Variants in FRY observed in about 807,000 individuals in gnomAD.
FRY encodes FRY microtubule binding protein.
Under a neutral mutation model 348.4 loss-of-function variants are expected in FRY, and 128 were observed. The observed-to-expected ratio is 0.37, with a 90% confidence interval of 0.32 to 0.43. FRY has a LOEUF of 0.43. FRY is among the 20% of genes least tolerant of loss of function. FRY has a pLI of 1.00. For synonymous variants in FRY, 1,370 were observed against 1,374.7 expected (o/e 1.00, Z 0.08); for missense variants, 2,736 against 3,695.2 (o/e 0.74, Z 6.73).
chr13:32,209,734 A>G lies in FRY; in HGVS notation c.4422+3A>G. 1 of 1,614,024 alleles carries G rather than the reference A, an allele frequency of 6.2e-7. No individual in the cohort carries two copies. ...GCGACACAGTTCTCCTACCCTATGTAAGTGTCTCTCAGCCCTTCAAGAGTG... is the reference window on the plus strand; with the variant it reads ...GCGACACAGTTCTCCTACCCTATGTGAGTGTCTCTCAGCCCTTCAAGAGTG... On this transcript the variant is annotated splice_donor_region_variant and intron_variant, in intron 33 of 60. Transcript: ENST00000542859.
intron 17 of FRY, among the ~76,000 whole-genome samples, chr13:32,163,139 G>A (rs539794248): frequency 5.6e-4 from 86 of 152,268 alleles, no homozygotes; most frequent in African/African-American, 2.0e-3. Flanking sequence ...ACATAAAGGA[G>A]AGCCTGTCAG....
rs1886378870 is a variant in FRY at position 32,239,230 on chromosome 13, C to T, written c.6419-22C>T. ...AAAATATACCATATTCAGCTATCTCCATTGTATCTTCTCTAATCCAGGGTT... is the reference window on the plus strand; with the variant it reads ...AAAATATACCATATTCAGCTATCTCTATTGTATCTTCTCTAATCCAGGGTT... On this transcript the variant is annotated intron_variant, in intron 44 of 60. Coordinates refer to ENST00000542859, the MANE Select transcript of FRY (RefSeq NM_023037.3). The surrounding 1 kb of genome is among the most constrained non-coding windows in gnomAD (Gnocchi z 4.3). 2 of 1,375,642 alleles carry T rather than the reference C, an allele frequency of 1.5e-6. No homozygotes were observed. Among genetic ancestry groups the T allele is most frequent in the Non-Finnish European group, 2.1e-6 (2 of 962,610 alleles). The allele number at this position is 1,375,642 out of a possible 1,614,324, so 85.2% of individuals were successfully genotyped here.
chr13:32,033,607 T>G (rs950268446), intron 1 of FRY, among the ~76,000 whole-genome samples: 1 of 152,262 alleles, frequency 6.6e-6, no homozygotes, highest in Non-Finnish European at 1.5e-5. Flanking sequence ...ATTTCTACTT[T>G]GAGAATATCT....
intron 5 of FRY, 72 bp from the exon 6 acceptor site, chr13:32,124,530 G>GT: frequency 1.1e-6 from 1 of 922,206 alleles, no homozygotes; most frequent in South Asian, 1.3e-5. Flanking sequence ...GTCATATATA[G>GT]TTATTGGAAG....
intron 39 of FRY, 30 bp from the exon 40 acceptor site, chr13:32,228,426 C>T (rs368098013): frequency 7.7e-5 from 118 of 1,537,912 alleles, no homozygotes; most frequent in Non-Finnish European, 1.0e-4. Flanking sequence ...CTGCCTAGTA[C>T]ATCCCTCCTT....
At chr13:32,294,701 G>A (rs531331362) in intron 60 of FRY, 131 bp downstream of exon 60, 22 of 738,904 alleles carry the variant, frequency 3.0e-5, no homozygotes, top group South Asian at 2.9e-4. Flanking sequence ...CTTTACTGCT[G>A]CCAAACCAGA....
chr13:32,104,308 C>T (rs990866829), intron 3 of FRY, among the ~76,000 whole-genome samples: 1 of 152,202 alleles, frequency 6.6e-6, no homozygotes, highest in African/African-American at 2.4e-5. Context: ...TTTAACTTTG[C>T]GTCTCCAAGT....
intron 1 of FRY, 114 bp from the exon 2 acceptor site, chr13:32,078,720 T>G: frequency 1.2e-6 from 1 of 844,062 alleles, no homozygotes; most frequent in Non-Finnish European, 2.1e-6. Flanking sequence ...GTTATAATAT[T>G]AAGTGTGACT....
At chr13:32,142,982 A>G (rs1483102268) in intron 11 of FRY, among the ~76,000 whole-genome samples, 2 of 152,158 alleles carry the variant, frequency 1.3e-5, no homozygotes, top group African/African-American at 4.8e-5. Context: ...ATGTAGTAAG[A>G]GGAGATGTAA....
chr13:32,294,463 G>A lies in FRY; in HGVS notation c.8676G>A (p.Ala2892=), dbSNP rs377274336. Residue 2892 remains alanine, a synonymous_variant, in exon 60 of 61, where the codon GCG becomes GCA. Transcript: ENST00000542859. ...IAADPLYSDG[A]WSEPTFTSTE... Reference sequence around the variant, plus strand: ...CTGACCCTCTCTATTCAGACGGCGCGTGGTCCGAGCCCACCTTCACGTCCA... The same window carrying A: ...CTGACCCTCTCTATTCAGACGGCGCATGGTCCGAGCCCACCTTCACGTCCA... 1.3e-5 allele frequency: 21 copies of A among 1,614,058 alleles called. No homozygotes were observed. The highest frequency in any genetic ancestry group is 1.6e-4 in the Middle Eastern group (1 of 6,062).
Position 32,228,471 on chromosome 13 carries a change from TGA to T in FRY, c.5228_5229del (p.Glu1743GlyfsTer8), listed in dbSNP as rs1406485116. On this transcript the variant is annotated frameshift_variant, in exon 40 of 61. Transcript: ENST00000542859. LOFTEE classifies it high-confidence loss of function. ...CTCCCACCAGGTGGCTTTGACTTCC[TGA>T]GAGAGGACCAGTCATCCCCGGTGCC... 6.2e-7 allele frequency: 1 copy of T among 1,612,460 alleles called. No individual in the cohort carries two copies. Among genetic ancestry groups the T allele is most frequent in the Non-Finnish European group, 8.5e-7 (1 of 1,179,784 alleles).
At position 32,209,647 on chromosome 13, in the gene FRY, G is replaced by C. The variant is rs376406292; in HGVS notation, c.4338G>C (p.Glu1446Asp). The change falls in exon 33 of 61, where the codon GAG (glutamate) becomes GAC (aspartate). Residue 1446 changes from glutamate (E) to aspartate (D), a missense_variant. Glu to Asp is a conservative substitution (Grantham distance 45, BLOSUM62 2). Around this residue, in one of 9 missense-constraint regions of FRY, gnomAD observed 794 missense variants for 977.0 expected, o/e 0.81. Coordinates refer to ENST00000542859, the MANE Select transcript of FRY (RefSeq NM_023037.3). ...CTTGGAATGCTTTAGCCAACAATGA[G>C]AAATGGAGCAACAACCTGAGGATCA... is the stretch of plus-strand genomic sequence containing the variant. Reference protein sequence around the residue: ...ENAWNALANNEKWSNNLRITL... With the variant: ...ENAWNALANNDKWSNNLRITL... The C allele has an allele frequency of 1.9e-4, 306 of 1,613,946 alleles. No homozygotes were observed. Among genetic ancestry groups the C allele is most frequent in the Non-Finnish European group, 2.5e-4 (293 of 1,179,930 alleles).
chr13:32,190,909 C>T (rs1274656415), intron 28 of FRY, among the ~76,000 whole-genome samples: 1 of 152,112 alleles, frequency 6.6e-6, no homozygotes, highest in South Asian at 2.1e-4. Flanking sequence ...CCAATACTTA[C>T]TATAAACGTA....
intron 3 of FRY, among the ~76,000 whole-genome samples, chr13:32,105,241 A>G (rs1456790008): frequency 1.3e-5 from 2 of 152,182 alleles, no homozygotes; most frequent in Non-Finnish European, 2.9e-5. Context: ...GTGCTCTTAT[A>G]AAAGGTCTTG....
At chr13:32,050,031 T>G (rs1012326505) in intron 1 of FRY, among the ~76,000 whole-genome samples, 1 of 152,240 alleles carries the variant, frequency 6.6e-6, no homozygotes, top group Non-Finnish European at 1.5e-5. Context: ...ATTGATTTAA[T>G]ATTCCAAATT....
At chr13:32,056,012 G>A (rs1873603161) in intron 1 of FRY, among the ~76,000 whole-genome samples, 1 of 151,964 alleles carries the variant, frequency 6.6e-6, no homozygotes, top group East Asian at 1.9e-4. Context: ...CCAATATGGT[G>A]AAACTCTGTC....
In FRY at chr13:32,171,690, G is replaced by C. The variant is rs191728907; in HGVS notation, c.2151+420G>C. Among the ~76,000 whole-genome samples the C allele has an allele frequency of 1.7e-4, 26 of 152,312 alleles. 1 individual carries two copies. Among genetic ancestry groups the C allele is most frequent in the Admixed American group, 1.4e-3 (21 of 15,294 alleles). ...AGAATTCTTACTTCCAGCCACCTAAGAACTTCCTCCCTGGTGGTGGGCCTT... is the reference window on the plus strand; with the variant it reads ...AGAATTCTTACTTCCAGCCACCTAACAACTTCCTCCCTGGTGGTGGGCCTT... On this transcript the variant is annotated intron_variant, in intron 18 of 60. Transcript: ENST00000542859.
chr13:32,073,544 GGTGTGT>G (rs35631279), intron 1 of FRY, among the ~76,000 whole-genome samples: 6 of 148,516 alleles, frequency 4.0e-5, no homozygotes, highest in Non-Finnish European at 7.5e-5. Flanking sequence ...TATGTGGGCG[GGTGTGT>G]GTGTGTGTGT....
intron 59 of FRY, among the ~76,000 whole-genome samples, chr13:32,292,209 C>A (rs1053655685): frequency 6.6e-6 from 1 of 152,044 alleles, no homozygotes; most frequent in African/African-American, 2.4e-5. Flanking sequence ...TCTCGAACTC[C>A]TGACCTCAAG....
Sources: allele counts gnomAD v4.1 joint callset (sites outside exome capture counted in the v4.1 genomes callset), GRCh38; gene constraint gnomAD v4.1.1; regional missense constraint gnomAD v4.1.1; non-coding constraint Gnocchi (gnomAD v3.1); transcripts MANE v1.5; gene names NCBI Gene and HGNC (gene_info 2026-07-23, HGNC 2026-07-21).